Variants in CNOT4 observed in about 807,000 individuals in gnomAD.
The protein encoded by CNOT4 is CCR4-NOT transcription complex subunit 4.
In CNOT4, 8 loss-of-function variants were observed where a neutral mutation model predicts 73.8. The ratio of observed to expected loss-of-function variants is 0.11; its 90% CI spans 0.06 to 0.20. The LOEUF (loss-of-function observed/expected upper bound fraction) is 0.20. Among genes scored for constraint, CNOT4 ranks in the 10% least tolerant of loss-of-function variants. The pLI is 1.00. For synonymous variants in CNOT4, 293 were observed against 321.1 expected (o/e 0.91, Z 0.94); for missense variants, 564 against 883.4 (o/e 0.64, Z 4.58).
chr7:135,422,545 A>T (rs1585619888), intron 2 of CNOT4, among the ~76,000 whole-genome samples, 192 bp from the exon 3 acceptor site: 2 of 152,102 alleles, frequency 1.3e-5, no homozygotes, highest in South Asian at 2.1e-4. Flanking sequence ...CTAATAAAAA[A>T]TTTTTTGGAG....
At chr7:135,442,035 A>G (rs1226903979) in intron 1 of CNOT4, among the ~76,000 whole-genome samples, 1 of 152,214 alleles carries the variant, frequency 6.6e-6, no homozygotes, top group Admixed American at 6.5e-5. Flanking sequence ...TACAAGGTCA[A>G]AGAGTTGACT....
chr7:135,375,278 A>G (rs935926317), intron 10 of CNOT4, among the ~76,000 whole-genome samples: 5 of 152,226 alleles, frequency 3.3e-5, no homozygotes, highest in African/African-American at 4.8e-5. Flanking sequence ...TAAGTGTGGA[A>G]TGGTTCAAAG....
At chr7:135,400,096 A>T (rs138396436) in intron 7 of CNOT4, among the ~76,000 whole-genome samples, 5 of 152,208 alleles carry the variant, frequency 3.3e-5, no homozygotes, top group African/African-American at 1.2e-4. Flanking sequence ...AAAAAGATTT[A>T]CTCAGCAGGA....
At chr7:135,489,819 ATAT>A (rs751981519) in intron 1 of CNOT4, among the ~76,000 whole-genome samples, 1 of 152,202 alleles carries the variant, frequency 6.6e-6, no homozygotes, top group Non-Finnish European at 1.5e-5. Flanking sequence ...AAGAGATTAA[ATAT>A]TATAATCTAA....
In CNOT4 at chr7:135,434,203, T is replaced by C. The variant is rs576810132; in HGVS notation, c.174+3955A>G. Among the ~76,000 whole-genome samples the C allele has an allele frequency of 3.2e-4, 49 of 152,338 alleles. 1 individual carries two copies. The highest frequency in any genetic ancestry group is 2.7e-3 in the Admixed American group (42 of 15,300). On this transcript the variant is annotated intron_variant, in intron 2 of 11. Transcript: ENST00000541284. ...GACCCTCTCTAGGCCTCTAGCAACA[T>C]TGTGGTTTTCCTCTGTGTTAACACA...
rs1223181936 is a variant in CNOT4, at chr7:135,447,180, GTTT to G, written c.-92-8760_-92-8758del. Among the ~76,000 whole-genome samples, 22 of 106,670 alleles carry G rather than the reference GTTT, an allele frequency of 2.1e-4. 6 individuals carry two copies. Among genetic ancestry groups the G allele is most frequent in the Non-Finnish European group, 4.1e-4 (17 of 41,188 alleles). The allele number at this position is 106,670 out of a possible 152,430, so 70.0% of individuals were successfully genotyped here. On this transcript the variant is annotated intron_variant, in intron 1 of 11. Coordinates refer to ENST00000541284, the MANE Select transcript of CNOT4 (RefSeq NM_001190850.2). ...GAAACAGCACTTTAAGTTGTCCATT[GTTT>G]CTGTATTAGACACATTTCACAAAGC...
intron 10 of CNOT4, among the ~76,000 whole-genome samples, chr7:135,372,351 T>C (rs1795253568): frequency 6.6e-6 from 1 of 152,246 alleles, no homozygotes; most frequent in Admixed American, 6.5e-5. Context: ...AGTTCTTAGA[T>C]GGCAGGCATC....
At chr7:135,395,923 T>C in intron 8 of CNOT4, 40 bp from the exon 9 acceptor site, 1 of 1,399,148 alleles carries the variant, frequency 7.1e-7, no homozygotes, top group Non-Finnish European at 1.0e-6. Context: ...TACATGTTTA[T>C]ACATTTTAAT....
chr7:135,425,812 A>G (rs1190651936), intron 2 of CNOT4, among the ~76,000 whole-genome samples: 1 of 152,200 alleles, frequency 6.6e-6, no homozygotes, highest in Admixed American at 6.5e-5. Flanking sequence ...ATGTATTCCA[A>G]AAAAGTTCCT....
At position 135,503,630 on chromosome 7, in the gene CNOT4, T is replaced by G. The variant is rs185461776; in HGVS notation, c.-93+6259A>C. ...TACTAATAACGTCTTTATATCATTTTAAATGGCAAAACCAAAATATAACAT... is the reference window on the plus strand; with the variant it reads ...TACTAATAACGTCTTTATATCATTTGAAATGGCAAAACCAAAATATAACAT... On this transcript the variant is annotated intron_variant, in intron 1 of 11. Coordinates refer to ENST00000541284, the MANE Select transcript of CNOT4 (RefSeq NM_001190850.2). Among the ~76,000 whole-genome samples the G allele has an allele frequency of 9.8e-4, 149 of 152,296 alleles. 1 individual carries two copies. The highest frequency in any genetic ancestry group is 3.4e-3 in the African/African-American group (142 of 41,578).
chr7:135,509,752 AAGG>A (rs1031677611), intron 1 of CNOT4, 134 bp downstream of exon 1: 19 of 308,394 alleles, frequency 6.2e-5, no homozygotes, highest in Non-Finnish European at 8.7e-5. Flanking sequence ...GAAGAAGACC[AAGG>A]AGGAGGAGGG....
At position 135,361,998 on chromosome 7, in the gene CNOT4, G is replaced by A. The variant is rs564014101; in HGVS notation, c.*887C>T. ...GCAAGGAGGTCAGAGATTTGCTCCC[G>A]ATGGTGATCAGATGGCCCCAGAGCA... On this transcript the variant is annotated 3_prime_UTR_variant, in exon 12 of 12. Coordinates refer to ENST00000541284, the MANE Select transcript of CNOT4 (RefSeq NM_001190850.2). 5.2e-5 allele frequency: 8 copies of A among 152,756 alleles called. No homozygotes were observed. The highest frequency in any genetic ancestry group is 1.9e-4 in the African/African-American group (8 of 41,546). The allele number at this position is 152,756 out of a possible 1,614,324, so 9.5% of individuals were successfully genotyped here.
rs1220786274 is a variant in CNOT4, at chr7:135,364,495, T to C, written c.1628-429A>G. Among the ~76,000 whole-genome samples the C allele has an allele frequency of 6.6e-6, 1 of 152,112 alleles. No individual in the cohort carries two copies. The highest frequency in any genetic ancestry group is 1.5e-5 in the Non-Finnish European group (1 of 68,010). On this transcript the variant is annotated intron_variant, in intron 10 of 11. Coordinates refer to ENST00000541284, the MANE Select transcript of CNOT4 (RefSeq NM_001190850.2). The surrounding 1 kb of genome is among the most constrained non-coding windows in gnomAD (Gnocchi z 4.3). ...AGGAGCTTATTTCTCAGCCCACAAATGGAAGAAAAGTCATTTTATGAAGAA... is the reference window on the plus strand; with the variant it reads ...AGGAGCTTATTTCTCAGCCCACAAACGGAAGAAAAGTCATTTTATGAAGAA...
intron 1 of CNOT4, among the ~76,000 whole-genome samples, chr7:135,449,521 C>T (rs1022129420): frequency 6.6e-6 from 1 of 152,034 alleles, no homozygotes; most frequent in African/African-American, 2.4e-5. Context: ...AGTAAAATTG[C>T]ACAACACTAA....
intron 10 of CNOT4, among the ~76,000 whole-genome samples, chr7:135,368,182 C>T (rs1314209981): frequency 1.3e-5 from 2 of 151,956 alleles, no homozygotes; most frequent in Non-Finnish European, 2.9e-5. Context: ...CTTCATTTAC[C>T]TGCCTCAGAA....
rs369785695 is a variant in CNOT4, at chr7:135,496,833, C to T, written c.-93+13056G>A. Among the ~76,000 whole-genome samples, 23 of 152,018 alleles carry T rather than the reference C, an allele frequency of 1.5e-4. No homozygotes were observed. The South Asian group carries it at 3.9e-3, about 26-fold the overall frequency. On this transcript the variant is annotated intron_variant, in intron 1 of 11. Coordinates refer to ENST00000541284, the MANE Select transcript of CNOT4 (RefSeq NM_001190850.2). ...CTCATTTTCTTTTTATTTTTTGAGACAGAGTCTCTGTCACCCAGACTGGAG... is the reference window on the plus strand; with the variant it reads ...CTCATTTTCTTTTTATTTTTTGAGATAGAGTCTCTGTCACCCAGACTGGAG...
At position 135,453,989 on chromosome 7, in the gene CNOT4, C is replaced by CATATATATAT. The variant is rs371504271; in HGVS notation, c.-92-15576_-92-15567dup. On this transcript the variant is annotated intron_variant, in intron 1 of 11. Transcript: ENST00000541284. ...CCTATCTCTATAAAAAATATATATACATATATATATATATATATATTTGAT... is the reference window on the plus strand; with the variant it reads ...CCTATCTCTATAAAAAATATATATACATATATATATATATATATATATATATATATTTGAT... 2.7e-3 allele frequency among the ~76,000 whole-genome samples: 364 copies of CATATATATAT among 133,986 alleles called. 1 individual carries two copies. The highest frequency in any genetic ancestry group is 7.4e-3 in the African/African-American group (274 of 36,820). 87.9% of individuals were successfully genotyped at this position (133,986 alleles called of 152,430 possible).
chr7:135,493,326 C>G (rs1360955879), intron 1 of CNOT4, among the ~76,000 whole-genome samples: 2 of 152,128 alleles, frequency 1.3e-5, no homozygotes, highest in Non-Finnish European at 2.9e-5. Context: ...CATGCCTGGC[C>G]AGGAAATGTA....
At chr7:135,465,743 A>AT (rs1554440873) in intron 1 of CNOT4, among the ~76,000 whole-genome samples, 66 of 149,576 alleles carry the variant, frequency 4.4e-4, no homozygotes, top group Middle Eastern at 3.5e-3. Flanking sequence ...AAAAAAAAAA[A>AT]TTTTTTTTTT....
Sources: gnomAD v4.1 joint callset for allele counts (sites outside exome capture counted in the v4.1 genomes callset) on GRCh38, gnomAD v4.1.1 for gene constraint, Gnocchi (gnomAD v3.1) non-coding constraint, MANE v1.5 for transcripts, NCBI Gene and HGNC (gene_info 2026-07-23, HGNC 2026-07-21) for gene names.